Variants in PRKAR2B observed in about 807,000 individuals in gnomAD.
PRKAR2B encodes the protein cAMP-dependent protein kinase type II-beta regulatory subunit.
PRKAR2B carries 14 observed loss-of-function variants against 49.9 expected under a neutral mutation model. The ratio of observed to expected loss-of-function variants is 0.28; its 90% confidence interval spans 0.19 to 0.44. PRKAR2B has a LOEUF of 0.44. Among genes scored for constraint, PRKAR2B ranks in the 20% least tolerant of loss-of-function variants. The pLI is 1.00. For synonymous variants in PRKAR2B, 196 were observed against 197.7 expected (o/e 0.99, Z 0.07); for missense variants, 393 against 537.9 (o/e 0.73, Z 2.67).
intron 4 of PRKAR2B, among the ~76,000 whole-genome samples, chr7:107,132,337 C>G (rs1795618115): frequency 6.6e-6 from 1 of 152,144 alleles, no homozygotes; most frequent in South Asian, 2.1e-4. Context: ...CACTGGACTG[C>G]CTTGTAGGCA....
chr7:107,140,976 A>G (rs370064330), intron 5 of PRKAR2B, 23 bp downstream of exon 5: 6 of 1,510,984 alleles, frequency 4.0e-6, no homozygotes, highest in African/African-American at 2.8e-5. Flanking sequence ...CAACCTTACT[A>G]TTGAAATTGA....
intron 2 of PRKAR2B, among the ~76,000 whole-genome samples, chr7:107,081,519 A>C (rs1180790908): frequency 6.6e-6 from 1 of 151,042 alleles, no homozygotes; most frequent in Non-Finnish European, 1.5e-5. Flanking sequence ...TAATCATTGG[A>C]TAATGTTTTC....
intron 2 of PRKAR2B, among the ~76,000 whole-genome samples, chr7:107,095,186 C>T (rs1306867698): frequency 6.6e-6 from 1 of 152,114 alleles, no homozygotes; most frequent in African/African-American, 2.4e-5. Context: ...TTTCGTTGAG[C>T]AGTGGTTTGT....
chr7:107,086,830 A>G (rs1378942373), intron 2 of PRKAR2B, among the ~76,000 whole-genome samples: 2 of 152,194 alleles, frequency 1.3e-5, no homozygotes. Flanking sequence ...GTAAGTTTCA[A>G]TAGATTATCT....
chr7:107,151,809 G>A (rs1795993548), intron 7 of PRKAR2B, among the ~76,000 whole-genome samples: 1 of 152,198 alleles, frequency 6.6e-6, no homozygotes, highest in Non-Finnish European at 1.5e-5. Flanking sequence ...CCTGGGAGAA[G>A]ATCGAAACTC....
chr7:107,100,422 A>G (rs980953262), intron 2 of PRKAR2B, among the ~76,000 whole-genome samples: 11 of 151,982 alleles, frequency 7.2e-5, no homozygotes, highest in Admixed American at 1.3e-4. Context: ...TGCTTTGACA[A>G]TTTTCTCTGG....
intron 4 of PRKAR2B, among the ~76,000 whole-genome samples, chr7:107,137,661 C>T (rs965513105): frequency 2.0e-5 from 3 of 152,024 alleles, no homozygotes; most frequent in Admixed American, 6.6e-5. Context: ...ACCTTCTCAC[C>T]GGAAGTCTGT....
At chr7:107,143,086 T>G (rs1362856903) in intron 5 of PRKAR2B, among the ~76,000 whole-genome samples, 1 of 152,148 alleles carries the variant, frequency 6.6e-6, no homozygotes, top group Non-Finnish European at 1.5e-5. Flanking sequence ...TTTAACAGAT[T>G]TTAGACTGAT....
At chr7:107,085,457 T>C (rs1170976442) in intron 2 of PRKAR2B, among the ~76,000 whole-genome samples, 1 of 152,212 alleles carries the variant, frequency 6.6e-6, no homozygotes, top group Non-Finnish European at 1.5e-5. Context: ...TGCATATATG[T>C]TACATCATTA....
At chr7:107,137,016 A>T (rs1212589557) in intron 4 of PRKAR2B, among the ~76,000 whole-genome samples, 1 of 152,216 alleles carries the variant, frequency 6.6e-6, no homozygotes, top group Non-Finnish European at 1.5e-5. Flanking sequence ...AGAACCTTAA[A>T]TGCATAATAC....
intron 2 of PRKAR2B, among the ~76,000 whole-genome samples, chr7:107,097,884 T>C (rs2116808931): frequency 6.6e-6 from 1 of 152,358 alleles, no homozygotes; most frequent in South Asian, 2.1e-4. Context: ...GATCCACTGT[T>C]AGTCTGATGG....
intron 4 of PRKAR2B, among the ~76,000 whole-genome samples, chr7:107,132,998 T>G (rs939366564): frequency 1.3e-5 from 2 of 152,236 alleles, no homozygotes; most frequent in African/African-American, 4.8e-5. Flanking sequence ...AATAATTTTC[T>G]TAGGCTATAT....
chr7:107,087,377 A>G (rs1794641468), intron 2 of PRKAR2B, among the ~76,000 whole-genome samples: 1 of 152,214 alleles, frequency 6.6e-6, no homozygotes, highest in Admixed American at 6.5e-5. Flanking sequence ...CATTTTGCAT[A>G]CAAACTTTAA....
At chr7:107,067,236 A>G (rs1202581828) in intron 1 of PRKAR2B, 1 of 152,166 alleles carries the variant, frequency 6.6e-6, no homozygotes, top group Non-Finnish European at 1.5e-5. Flanking sequence ...CTTCTTCTCT[A>G]TTTTGGTAAT....
intron 2 of PRKAR2B, among the ~76,000 whole-genome samples, chr7:107,111,317 G>A (rs1191041746): frequency 6.6e-6 from 1 of 152,182 alleles, no homozygotes; most frequent in Non-Finnish European, 1.5e-5. Context: ...GATCTGCCTG[G>A]GGCTTGGGAG....
intron 2 of PRKAR2B, among the ~76,000 whole-genome samples, chr7:107,098,590 C>T (rs575438491): frequency 9.9e-5 from 15 of 152,276 alleles, no homozygotes; most frequent in Admixed American, 5.9e-4. Context: ...GGAGAAGAGG[C>T]GCTCTGATTT....
At chr7:107,131,340 T>C (rs770306174) in intron 4 of PRKAR2B, among the ~76,000 whole-genome samples, 13 of 152,370 alleles carry the variant, frequency 8.5e-5, no homozygotes, top group Non-Finnish European at 1.6e-4. Flanking sequence ...ATTTCAACTT[T>C]AGCTCTTTAA....
At chr7:107,135,991 A>G (rs1468414167) in intron 4 of PRKAR2B, among the ~76,000 whole-genome samples, 1 of 152,216 alleles carries the variant, frequency 6.6e-6, no homozygotes, top group Non-Finnish European at 1.5e-5. Context: ...GTACAAATTA[A>G]TCAGTGGAAC....
At position 107,160,248 on chromosome 7, in the gene PRKAR2B, A is replaced by T. The variant is rs1314340806; in HGVS notation, c.*666A>T. The T allele has an allele frequency of 6.6e-6, 1 of 152,642 alleles. No individual in the cohort carries two copies. Among genetic ancestry groups the T allele is most frequent in the African/African-American group, 2.4e-5 (1 of 41,446 alleles). The allele number at this position is 152,642 out of a possible 1,614,324, so 9.5% of individuals were successfully genotyped here. A position where few individuals can be genotyped will look rare whatever the true frequency, so the allele number is the denominator to read the frequency against. ...AGGCAATTTAGTCATTATGATAATA[A>T]GGAAAACAGTGTTTTAGATGAGAGA... On this transcript the variant is annotated 3_prime_UTR_variant, in exon 11 of 11. Transcript: ENST00000265717.
Sources: allele counts gnomAD v4.1 joint callset (sites outside exome capture counted in the v4.1 genomes callset), GRCh38; gene constraint gnomAD v4.1.1; transcripts MANE v1.5; gene names NCBI Gene and HGNC (gene_info 2026-07-23, HGNC 2026-07-21).